The following TIAM1 variants were observed in gnomAD, a reference collection of about 807,000 sequenced individuals.
TIAM1 encodes the protein rho guanine nucleotide exchange factor TIAM1.
In TIAM1, 65 loss-of-function variants were observed where a neutral mutation model predicts 163.5. That is an observed-to-expected ratio of 0.40 (90% CI 0.33 to 0.49). The LOEUF is 0.49. TIAM1 is among the 20% of genes least tolerant of loss of function. The probability of loss-of-function intolerance (pLI) is 0.77; values close to 1 mark genes in which losing one functional copy is unlikely to be tolerated. For missense variants in TIAM1, 1,789 were observed against 2,044.7 expected, an observed-to-expected ratio of 0.87 and a Z score of 2.41; for synonymous variants, 833 against 810.1, an observed-to-expected ratio of 1.03 and a Z score of -0.48.
chr21:31,163,175 A>G (rs780505249), intron 16 of TIAM1, among the ~76,000 whole-genome samples: 1 of 152,264 alleles, frequency 6.6e-6, no homozygotes, highest in Non-Finnish European at 1.5e-5. Flanking sequence ...TTTTAGATAC[A>G]GGAAAAATAG....
At chr21:31,284,993 G>C (rs960990192) in intron 2 of TIAM1, among the ~76,000 whole-genome samples, 2 of 152,086 alleles carry the variant, frequency 1.3e-5, no homozygotes, top group Non-Finnish European at 2.9e-5. Context: ...CCAAAAGCAC[G>C]AAAGTGCAAC....
intron 2 of TIAM1, among the ~76,000 whole-genome samples, chr21:31,354,029 G>A (rs1441050248): frequency 6.6e-6 from 1 of 151,250 alleles, no homozygotes; most frequent in Admixed American, 6.6e-5. Flanking sequence ...GTAGAGATGG[G>A]ATTTCACCAT....
At chr21:31,525,054 G>A (rs1371643454) in intron 1 of TIAM1, among the ~76,000 whole-genome samples, 1 of 152,068 alleles carries the variant, frequency 6.6e-6, no homozygotes, top group Non-Finnish European at 1.5e-5. Flanking sequence ...TGGCAAGGAG[G>A]AGGAAAAGAG....
chr21:31,306,861 C>T (rs138094719), intron 2 of TIAM1, among the ~76,000 whole-genome samples: 1 of 152,278 alleles, frequency 6.6e-6, no homozygotes, highest in African/African-American at 2.4e-5. Flanking sequence ...GATTGACTGG[C>T]AGGAATGGGT....
At chr21:31,224,542 A>G (rs1205812269) in intron 7 of TIAM1, among the ~76,000 whole-genome samples, 3 of 152,240 alleles carry the variant, frequency 2.0e-5, no homozygotes, top group African/African-American at 4.8e-5. Context: ...CAAATCCATG[A>G]AGACAGAGTG....
At chr21:31,481,496 T>C (rs1438514326) in intron 1 of TIAM1, among the ~76,000 whole-genome samples, 1 of 152,110 alleles carries the variant, frequency 6.6e-6, no homozygotes, top group African/African-American at 2.4e-5. Flanking sequence ...TCCCACAAGA[T>C]TGCCCCCATT....
chr21:31,349,476 G>A (rs1440928818), intron 2 of TIAM1, among the ~76,000 whole-genome samples: 1 of 152,204 alleles, frequency 6.6e-6, no homozygotes, highest in Non-Finnish European at 1.5e-5. Context: ...TGCACAAATG[G>A]TGCATGTGTT....
Position 31,419,463 on chromosome 21 carries a change from G to A in TIAM1, c.-369+44520C>T, listed in dbSNP as rs148775345. Reference sequence around the variant, plus strand: ...ATCCTCCCCAAGATCTTGATCCTTCGGAGATACAAAATCTTCAGCAACACT... The same window carrying A: ...ATCCTCCCCAAGATCTTGATCCTTCAGAGATACAAAATCTTCAGCAACACT... On this transcript the variant is annotated intron_variant, in intron 2 of 28. Coordinates refer to the TIAM1 transcript ENST00000286827. 8.1e-4 allele frequency among the ~76,000 whole-genome samples: 123 copies of A among 152,230 alleles called. No homozygotes were observed. In the East Asian group the frequency reaches 0.022, roughly 27 times the overall value.
chr21:31,506,246 G>A (rs1398228964), intron 1 of TIAM1, among the ~76,000 whole-genome samples: 20 of 112,896 alleles, frequency 1.8e-4, no homozygotes, highest in African/African-American at 5.6e-4. Context: ...CTAAACTCAC[G>A]CACTCTCACA....
At chr21:31,167,462 T>TAGC (rs1314708364) in intron 15 of TIAM1, among the ~76,000 whole-genome samples, 3 of 152,104 alleles carry the variant, frequency 2.0e-5, no homozygotes, top group African/African-American at 7.2e-5. Context: ...CACTTAGAAA[T>TAGC]GCTAAATAAA....
At chr21:31,489,511 GAGGGAAGGA>G (rs1424351121) in intron 1 of TIAM1, among the ~76,000 whole-genome samples, 2 of 120,548 alleles carry the variant, frequency 1.7e-5, no homozygotes, top group African/African-American at 7.0e-5. Flanking sequence ...GGGAGACAGG[GAGGGAAGGA>G]AGGGAGGGAG....
intron 2 of TIAM1, among the ~76,000 whole-genome samples, chr21:31,384,107 A>T (rs144743290): frequency 2.3e-3 from 351 of 152,252 alleles, no homozygotes; most frequent in African/African-American, 8.0e-3. Context: ...CTGGGGCCAC[A>T]TATCCTGTGG....
At chr21:31,427,730 A>G (rs964949306) in intron 2 of TIAM1, among the ~76,000 whole-genome samples, 1 of 152,070 alleles carries the variant, frequency 6.6e-6, no homozygotes, top group African/African-American at 2.4e-5. Context: ...GCTACTCAGG[A>G]GGCTGAGGCG....
chr21:31,501,168 G>A (rs1208991024), intron 1 of TIAM1, among the ~76,000 whole-genome samples: 7 of 152,002 alleles, frequency 4.6e-5, no homozygotes, highest in East Asian at 1.9e-4. Context: ...AAGATACAGC[G>A]AAAGAAGGAC....
chr21:31,355,453 C>T (rs1007766474), intron 2 of TIAM1, among the ~76,000 whole-genome samples: 1 of 152,116 alleles, frequency 6.6e-6, no homozygotes, highest in Non-Finnish European at 1.5e-5. Flanking sequence ...GGCCAGTGGC[C>T]CCACCCCACC....
At chr21:31,496,834 AG>A (rs1195923897) in intron 1 of TIAM1, among the ~76,000 whole-genome samples, 5 of 151,838 alleles carry the variant, frequency 3.3e-5, no homozygotes, top group Non-Finnish European at 1.5e-5. Flanking sequence ...TCCTTTGTTT[AG>A]ATGCACAATT....
chr21:31,501,830 T>C (rs1238956367), intron 1 of TIAM1, among the ~76,000 whole-genome samples: 1 of 152,208 alleles, frequency 6.6e-6, no homozygotes, highest in Admixed American at 6.5e-5. Context: ...CTCGAACTCC[T>C]GACCTCAGGT....
chr21:31,407,582 G>A (rs1194995286), intron 2 of TIAM1, among the ~76,000 whole-genome samples: 1 of 150,632 alleles, frequency 6.6e-6, no homozygotes, highest in Non-Finnish European at 1.5e-5. Context: ...CAGTTCTAAG[G>A]TTAAGGATTT....
chr21:31,227,189 T>G (rs1345673151), intron 6 of TIAM1, among the ~76,000 whole-genome samples: 1 of 151,988 alleles, frequency 6.6e-6, no homozygotes, highest in Non-Finnish European at 1.5e-5. Context: ...ACTCCTGACC[T>G]CAAGTGATCC....
Sources: gnomAD v4.1 joint callset for allele counts (sites outside exome capture counted in the v4.1 genomes callset) on GRCh38, gnomAD v4.1.1 for gene constraint, MANE v1.5 for transcripts, NCBI Gene and HGNC (gene_info 2026-07-23, HGNC 2026-07-21) for gene names.